Variants in DLGAP2 observed in about 807,000 individuals in gnomAD.
The protein encoded by DLGAP2 is disks large-associated protein 2.
A neutral mutation model predicts 100.3 loss-of-function variants in DLGAP2; 26 were observed. The observed-to-expected ratio is 0.26, with a 90% CI of 0.19 to 0.36. The LOEUF is 0.36. Among genes scored for constraint, DLGAP2 ranks in the 10% least tolerant of loss-of-function variants. DLGAP2 has a pLI of 1.00. For synonymous variants in DLGAP2, 886 were observed against 630.1 expected (o/e 1.41, Z -6.08); for missense variants, 1,858 against 1,453.2 (o/e 1.28, Z -4.53).
Position 1,156,193 on chromosome 8 carries a change from C to T in DLGAP2, c.74-102658C>T, listed in dbSNP as rs1250512827. ...ATCACCGGGGCTGCAGCTCTCAGACCCTCCCTCTGCCGCCGGGAGCGGCCG... is the reference window on the plus strand; with the variant it reads ...ATCACCGGGGCTGCAGCTCTCAGACTCTCCCTCTGCCGCCGGGAGCGGCCG... On this transcript the variant is annotated intron_variant, in intron 2 of 14. Coordinates refer to ENST00000637795, the MANE Select transcript of DLGAP2 (RefSeq NM_001346810.2). Among the ~76,000 whole-genome samples the T allele has an allele frequency of 9.2e-5, 14 of 152,260 alleles. No individual in the cohort carries two copies. The East Asian group carries it at 2.7e-3, about 30-fold the overall frequency.
At chr8:866,658 G>A (rs1331749174) in intron 1 of DLGAP2, among the ~76,000 whole-genome samples, 1 of 152,162 alleles carries the variant, frequency 6.6e-6, no homozygotes, top group African/African-American at 2.4e-5. Flanking sequence ...CACCTGTGAC[G>A]GCTCCTGGGA....
intron 3 of DLGAP2, among the ~76,000 whole-genome samples, chr8:1,411,501 C>G (rs1166943642): frequency 6.6e-6 from 1 of 152,226 alleles, no homozygotes; most frequent in African/African-American, 2.4e-5. Context: ...GCTCCCTAGC[C>G]TGGTGACATT....
At chr8:1,253,984 T>C (rs1799111838) in intron 2 of DLGAP2, among the ~76,000 whole-genome samples, 2 of 152,212 alleles carry the variant, frequency 1.3e-5, no homozygotes, top group South Asian at 2.1e-4. Context: ...TTGACGCATA[T>C]TTTGGTTCGC....
intron 3 of DLGAP2, among the ~76,000 whole-genome samples, chr8:1,475,712 G>A (rs943320850): frequency 2.0e-5 from 3 of 152,200 alleles, no homozygotes; most frequent in Admixed American, 1.3e-4. Context: ...GGCAGAACAC[G>A]AGTGGCACCT....
chr8:1,284,539 C>T (rs1799884523), intron 3 of DLGAP2, among the ~76,000 whole-genome samples: 1 of 152,218 alleles, frequency 6.6e-6, no homozygotes, highest in East Asian at 1.9e-4. Flanking sequence ...TCACCGCTTT[C>T]AGTGTTGCCT....
chr8:783,251 C>G lies in DLGAP2; in HGVS notation c.18+45426C>G, dbSNP rs142331694. On this transcript the variant is annotated intron_variant, in intron 1 of 14. Coordinates refer to ENST00000637795, the MANE Select transcript of DLGAP2 (RefSeq NM_001346810.2). ...AAACACTCTTCATTGCTCAGAAATA[C>G]TACAGAGAATGGTTTGCCTGCACTC... Among the ~76,000 whole-genome samples the G allele has an allele frequency of 8.6e-3, 1,304 of 152,296 alleles. 8 individuals are homozygous for G. The highest frequency in any genetic ancestry group is 0.029 in the South Asian group (140 of 4,826).
intron 8 of DLGAP2, among the ~76,000 whole-genome samples, chr8:1,665,410 G>A (rs1798518196): frequency 6.6e-6 from 1 of 152,222 alleles, no homozygotes; most frequent in Admixed American, 6.5e-5. Context: ...GTGACATGTT[G>A]TGACATGGTT....
At chr8:1,365,290 G>C (rs993078386) in intron 3 of DLGAP2, among the ~76,000 whole-genome samples, 1 of 152,164 alleles carries the variant, frequency 6.6e-6, no homozygotes, top group African/African-American at 2.4e-5. Context: ...TGGCTCAGGT[G>C]CTGAGCCTGG....
chr8:1,317,273 A>G lies in DLGAP2; in HGVS notation c.106+58390A>G, dbSNP rs1235786447. Among the ~76,000 whole-genome samples, 46 of 133,868 alleles carry G rather than the reference A, an allele frequency of 3.4e-4. 1 individual carries two copies. Among genetic ancestry groups the G allele is most frequent in the African/African-American group, 5.3e-4 (18 of 33,760 alleles). The allele number at this position is 133,868 out of a possible 152,430, so 87.8% of individuals were successfully genotyped here. On this transcript the variant is annotated intron_variant, in intron 3 of 14. Transcript: ENST00000637795. ...TGTGCGAGTGCAGCGTCTCTCCAAC[A>G]GTGGTCTACACTCGAGAAACTCGGC...
At chr8:1,168,956 C>T (rs886683260) in intron 2 of DLGAP2, among the ~76,000 whole-genome samples, 16 of 143,378 alleles carry the variant, frequency 1.1e-4, no homozygotes, top group African/African-American at 3.6e-4. Flanking sequence ...AGTCCTTGCC[C>T]ATGCCTATGT....
chr8:872,740 T>A (rs1019341736), intron 1 of DLGAP2, among the ~76,000 whole-genome samples: 8 of 152,196 alleles, frequency 5.3e-5, no homozygotes. Flanking sequence ...AAGAGGTACA[T>A]GCAACTATCA....
chr8:1,542,717 T>G (rs1407424860), intron 4 of DLGAP2, among the ~76,000 whole-genome samples: 2 of 152,216 alleles, frequency 1.3e-5, no homozygotes, highest in African/African-American at 4.8e-5. Flanking sequence ...CACAGGCTTT[T>G]GCCTGGATGT....
chr8:1,255,656 G>T (rs1260981648), intron 2 of DLGAP2, among the ~76,000 whole-genome samples: 1 of 136,898 alleles, frequency 7.3e-6, no homozygotes, highest in Non-Finnish European at 1.5e-5. Flanking sequence ...CCCGGGCGCT[G>T]TGTGTGTGTC....
intron 1 of DLGAP2, chr8:754,273 T>TC (rs1820864202): frequency 6.6e-6 from 1 of 152,148 alleles, no homozygotes; most frequent in South Asian, 2.1e-4. Context: ...GCCGAGTACT[T>TC]CCCGATCTCA....
chr8:978,881 A>G (rs553560052), intron 2 of DLGAP2, among the ~76,000 whole-genome samples: 4 of 152,316 alleles, frequency 2.6e-5, no homozygotes, highest in Non-Finnish European at 5.9e-5. Context: ...CCAAATACTC[A>G]TAGCCAAAAA....
intron 5 of DLGAP2, among the ~76,000 whole-genome samples, chr8:1,564,270 G>C (rs2956912): frequency 0.47 from 71,982 of 151,842 alleles, 17,148 homozygotes; most frequent in Middle Eastern, 0.61. Context: ...TCCCGCAATG[G>C]AAACCATTGT....
rs904021516 is a variant in DLGAP2 at position 776,329 on chromosome 8, G to T, written c.18+38504G>T. On this transcript the variant is annotated intron_variant, in intron 1 of 14. Transcript: ENST00000637795. ...CCTGGATTCATTAATTTTTTGAAGG[G>T]TTTTTTGTGTCTCTATTTCCTTCAG... Among the ~76,000 whole-genome samples, 3 of 151,936 alleles carry T rather than the reference G, an allele frequency of 2.0e-5. No homozygotes were observed. The South Asian group carries it at 6.2e-4, about 32-fold the overall frequency.
intron 2 of DLGAP2, among the ~76,000 whole-genome samples, chr8:938,997 C>T (rs1433156090): frequency 6.6e-6 from 1 of 152,252 alleles, no homozygotes; most frequent in Non-Finnish European, 1.5e-5. Context: ...AGGCAACCTC[C>T]AGAGACGCAG....
At chr8:1,117,749 C>A (rs967638999) in intron 2 of DLGAP2, among the ~76,000 whole-genome samples, 1 of 152,200 alleles carries the variant, frequency 6.6e-6, no homozygotes, top group Non-Finnish European at 1.5e-5. Context: ...AAGACACCCC[C>A]AGGGGGCTCC....
Sources: allele counts gnomAD v4.1 joint callset (sites outside exome capture counted in the v4.1 genomes callset), GRCh38; gene constraint gnomAD v4.1.1; transcripts MANE v1.5; gene names NCBI Gene and HGNC (gene_info 2026-07-23, HGNC 2026-07-21).